Variants in ATXN7L1 observed in about 807,000 individuals in gnomAD.
ATXN7L1 encodes the protein ataxin 7 like 1, also known as ataxin-7-like protein 1.
In ATXN7L1, 15 loss-of-function variants were observed where a neutral mutation model predicts 70.8. The observed-to-expected ratio is 0.21, with a 90% CI of 0.14 to 0.33. The LOEUF (loss-of-function observed/expected upper bound fraction) is 0.33, where lower values mean the gene tolerates loss of function less well. Ranked by LOEUF, ATXN7L1 falls within the 10% of genes least tolerant of loss-of-function variation. The probability of loss-of-function intolerance (pLI) is 1.00; values close to 1 mark genes in which losing one functional copy is unlikely to be tolerated. For synonymous variants in ATXN7L1, 440 were observed against 445.1 expected (o/e 0.99, Z 0.14); for missense variants, 975 against 1,097.1 (o/e 0.89, Z 1.57).
chr7:105,614,442 TCTTTGA>T lies in ATXN7L1; in HGVS notation c.1886_1891del (p.Val629_Lys630del). 1 of 1,544,740 alleles carries T rather than the reference TCTTTGA, an allele frequency of 6.5e-7. No homozygotes were observed. Among genetic ancestry groups the T allele is most frequent in the Non-Finnish European group, 8.7e-7 (1 of 1,143,054 alleles). On this transcript the variant is annotated inframe_deletion, in exon 10 of 12. Transcript: ENST00000419735. The surrounding 1 kb of genome is among the most constrained non-coding windows in gnomAD (Gnocchi z 4.3). Reference sequence around the variant, plus strand: ...AGACTCGTCGCTACGGGTGGACAGGTCTTTGACTTTTGAGGATTTGCTGGTTTTGGT... The same window carrying T: ...AGACTCGTCGCTACGGGTGGACAGGTCTTTTGAGGATTTGCTGGTTTTGGT...
intron 2 of ATXN7L1, among the ~76,000 whole-genome samples, chr7:105,835,071 T>C (rs1312769726): frequency 6.8e-6 from 1 of 148,064 alleles, no homozygotes; most frequent in Non-Finnish European, 1.5e-5. Flanking sequence ...AGAGGCAGGG[T>C]GCAGGAGGGG....
intron 3 of ATXN7L1, among the ~76,000 whole-genome samples, chr7:105,679,876 T>G (rs1182220317): frequency 6.6e-6 from 1 of 151,946 alleles, no homozygotes; most frequent in Non-Finnish European, 1.5e-5. Context: ...ACCACTGAAT[T>G]GTACATTTTA....
chr7:105,728,740 T>C (rs573576765), intron 3 of ATXN7L1, among the ~76,000 whole-genome samples: 135 of 152,204 alleles, frequency 8.9e-4, no homozygotes, highest in Non-Finnish European at 1.4e-3. Context: ...GCAGGAAATA[T>C]ACAAGATGAG....
At chr7:105,767,175 A>C (rs1801384354) in intron 3 of ATXN7L1, among the ~76,000 whole-genome samples, 1 of 152,176 alleles carries the variant, frequency 6.6e-6, no homozygotes, top group Admixed American at 6.5e-5. Context: ...AGACTGATAC[A>C]AGTGAAATAA....
chr7:105,755,846 C>T (rs1032070444), intron 3 of ATXN7L1, among the ~76,000 whole-genome samples: 3 of 152,178 alleles, frequency 2.0e-5, no homozygotes, highest in African/African-American at 7.2e-5. Flanking sequence ...GAAAGAGATG[C>T]TCTGCGTTGG....
intron 2 of ATXN7L1, among the ~76,000 whole-genome samples, chr7:105,846,644 AC>A (rs1814091655): frequency 6.6e-6 from 1 of 152,240 alleles, no homozygotes; most frequent in Non-Finnish European, 1.5e-5. Context: ...ACATATGTCC[AC>A]AAAAACTTAT....
chr7:105,839,597 A>G (rs1427945492), intron 2 of ATXN7L1, among the ~76,000 whole-genome samples: 2 of 152,150 alleles, frequency 1.3e-5, no homozygotes, highest in Non-Finnish European at 2.9e-5. Flanking sequence ...TTCTCCCTGC[A>G]TCTCTGCTCA....
chr7:105,640,521 A>C (rs535583213), intron 5 of ATXN7L1, among the ~76,000 whole-genome samples: 1 of 152,208 alleles, frequency 6.6e-6, no homozygotes, highest in Admixed American at 6.5e-5. Flanking sequence ...AGGGGATGTG[A>C]GGTGATCTCT....
At chr7:105,712,024 G>A (rs1437212084) in intron 3 of ATXN7L1, among the ~76,000 whole-genome samples, 4 of 152,246 alleles carry the variant, frequency 2.6e-5, no homozygotes, top group Non-Finnish European at 5.9e-5. Flanking sequence ...CAGGCCCAAC[G>A]TCATGTGGAA....
intron 2 of ATXN7L1, among the ~76,000 whole-genome samples, chr7:105,826,759 G>T (rs7809133): frequency 0.032 from 4,936 of 152,226 alleles, 263 homozygotes; most frequent in African/African-American, 0.11. Context: ...AAGGAGGCTG[G>T]ACAGTGGAGA....
chr7:105,776,118 A>G (rs1199384380), intron 3 of ATXN7L1, among the ~76,000 whole-genome samples: 1 of 152,162 alleles, frequency 6.6e-6, no homozygotes, highest in African/African-American at 2.4e-5. Context: ...TAAATACAGG[A>G]ATGTTTGTTA....
At chr7:105,784,565 A>G (rs1319254869) in intron 3 of ATXN7L1, among the ~76,000 whole-genome samples, 2 of 151,960 alleles carry the variant, frequency 1.3e-5, no homozygotes, top group African/African-American at 4.8e-5. Flanking sequence ...GCAGGAGGGG[A>G]AGTGGCACAG....
intron 3 of ATXN7L1, among the ~76,000 whole-genome samples, chr7:105,667,134 T>C (rs990535252): frequency 6.6e-6 from 1 of 152,214 alleles, no homozygotes; most frequent in African/African-American, 2.4e-5. Flanking sequence ...ATTCGTCCTT[T>C]GTAAAATTGT....
intron 3 of ATXN7L1, among the ~76,000 whole-genome samples, chr7:105,779,085 G>A (rs991284429): frequency 6.6e-6 from 1 of 152,196 alleles, no homozygotes; most frequent in African/African-American, 2.4e-5. Flanking sequence ...GTATTGCAGC[G>A]AGTTTGAGAC....
At chr7:105,780,959 G>C (rs1584988276) in intron 3 of ATXN7L1, among the ~76,000 whole-genome samples, 1 of 151,948 alleles carries the variant, frequency 6.6e-6, no homozygotes, top group South Asian at 2.1e-4. Flanking sequence ...TAATAAACAG[G>C]GGCATGTTAT....
At chr7:105,668,285 T>C (rs1271329347) in intron 3 of ATXN7L1, among the ~76,000 whole-genome samples, 1 of 152,320 alleles carries the variant, frequency 6.6e-6, no homozygotes, top group African/African-American at 2.4e-5. Context: ...CCAGGCTAGA[T>C]TGCTGTGGCA....
intron 3 of ATXN7L1, among the ~76,000 whole-genome samples, chr7:105,778,052 C>T (rs370687228): frequency 2.0e-3 from 301 of 152,290 alleles, no homozygotes; most frequent in Non-Finnish European, 3.2e-3. Flanking sequence ...AATGCATCTG[C>T]AGCATTAGAA....
intron 2 of ATXN7L1, among the ~76,000 whole-genome samples, chr7:105,871,510 G>A (rs977830603): frequency 1.3e-5 from 2 of 152,114 alleles, no homozygotes; most frequent in Non-Finnish European, 2.9e-5. Flanking sequence ...TCTGGAGTTC[G>A]AGACCAGCCT....
chr7:105,717,088 TC>T lies in ATXN7L1; in HGVS notation c.356-51801del, dbSNP rs1423902199. On this transcript the variant is annotated intron_variant, in intron 3 of 11. Transcript: ENST00000419735. ...ACTAAGCATTGTTTTAAATGCTGTT[TC>T]CCCCCACTTTTCACATTATAAACAT... Among the ~76,000 whole-genome samples the T allele has an allele frequency of 3.3e-5, 5 of 152,104 alleles. No homozygotes were observed. The South Asian group carries it at 8.3e-4, about 25-fold the overall frequency.
Sources: allele counts gnomAD v4.1 joint callset (sites outside exome capture counted in the v4.1 genomes callset), GRCh38; gene constraint gnomAD v4.1.1; non-coding constraint Gnocchi (gnomAD v3.1); transcripts MANE v1.5; gene names NCBI Gene and HGNC (gene_info 2026-07-23, HGNC 2026-07-21).